The following ATG13 variants were observed in gnomAD, a reference collection of about 807,000 sequenced individuals.
ATG13 encodes autophagy related 13.
ATG13 carries 23 observed loss-of-function variants against 65.5 expected under a neutral mutation model. That is an observed-to-expected ratio of 0.35 (90% CI 0.25 to 0.50). The LOEUF is 0.50. ATG13 is among the 20% of genes least tolerant of loss of function. The pLI, the probability that ATG13 is intolerant of heterozygous loss-of-function variation, is 0.98. For synonymous variants in ATG13, 252 were observed against 245.2 expected (o/e 1.03, Z -0.26); for missense variants, 566 against 677.0 (o/e 0.84, Z 1.82).
chr11:46,657,966 G>A (rs1363850431), intron 10 of ATG13, among the ~76,000 whole-genome samples: 1 of 152,128 alleles, frequency 6.6e-6, no homozygotes, highest in African/African-American at 2.4e-5. Flanking sequence ...CTACTCAGGA[G>A]GCTGAGGCAG....
intron 18 of ATG13, among the ~76,000 whole-genome samples, chr11:46,669,746 C>G (rs753223806): frequency 6.6e-6 from 1 of 152,192 alleles, no homozygotes; most frequent in Non-Finnish European, 1.5e-5. Flanking sequence ...TCTGCACATT[C>G]TCAGCATTAC....
Position 46,672,570 on chromosome 11 carries a change from C to G in ATG13, c.*238C>G. The G allele has an allele frequency of 7.0e-7, 1 of 1,428,698 alleles. No individual in the cohort carries two copies. The highest frequency in any genetic ancestry group is 1.4e-5 in the African/African-American group (1 of 70,476). 88.5% of individuals were successfully genotyped at this position (1,428,698 alleles called of 1,614,324 possible). ...GTGCTGGCCTTGGAGATGGGAAGAA[C>G]CTTCGTACGAAAAAGCCCTCAGCAG... On this transcript the variant is annotated 3_prime_UTR_variant, in exon 19 of 19. Transcript: ENST00000683050.
chr11:46,665,010 C>T, intron 13 of ATG13, 51 bp downstream of exon 13: 1 of 1,514,060 alleles, frequency 6.6e-7, no homozygotes, highest in Non-Finnish European at 9.1e-7. Flanking sequence ...GCCTCCCCTG[C>T]CCGGAGGCAA....
chr11:46,661,646 A>T (rs893736261), intron 11 of ATG13, among the ~76,000 whole-genome samples: 3 of 151,824 alleles, frequency 2.0e-5, no homozygotes, highest in African/African-American at 7.3e-5. Flanking sequence ...AGCCTGGGCA[A>T]CATGGTGAAA....
At chr11:46,647,482 T>C (rs1405651242) in intron 5 of ATG13, among the ~76,000 whole-genome samples, 1 of 151,994 alleles carries the variant, frequency 6.6e-6, no homozygotes, top group African/African-American at 2.4e-5. Context: ...TTCACCATGT[T>C]GGCCAGGCTG....
At chr11:46,654,752 A>G (rs1488093855) in intron 7 of ATG13, among the ~76,000 whole-genome samples, 1 of 151,844 alleles carries the variant, frequency 6.6e-6, no homozygotes, top group African/African-American at 2.4e-5. Context: ...GGAGTTTGCA[A>G]CCAGCCTGGG....
At chr11:46,638,428 ACTCTGT>A (rs1378355305) in intron 2 of ATG13, 3 of 152,224 alleles carry the variant, frequency 2.0e-5, no homozygotes, top group South Asian at 4.2e-4. Flanking sequence ...ACAGAGTGAG[ACTCTGT>A]CTCAAAAAAC....
At chr11:46,668,004 A>T in intron 15 of ATG13, 117 bp downstream of exon 15, 2 of 771,132 alleles carry the variant, frequency 2.6e-6, no homozygotes, top group Non-Finnish European at 4.2e-6. Flanking sequence ...CTGGCATGCA[A>T]AACTGTATGT....
In ATG13 at chr11:46,664,859, C is replaced by T; in HGVS notation, c.899C>T (p.Ser300Phe). The change falls in exon 13 of 19, where the codon TCT becomes TTT. Residue 300 changes from serine to phenylalanine, a missense_variant. Around this residue, in one of 2 missense-constraint regions of ATG13, gnomAD observed 387 missense variants for 409.8 expected, o/e 0.94. Coordinates refer to ENST00000683050, the MANE Select transcript of ATG13 (RefSeq NM_001346311.2). The part of the protein sequence containing the change: ...GLAFSHQLSS[S>F]RLSYQPAALG... ...TTTTCTCTTGCTTAGCTCTCAAGCT[C>T]TCGCCTTTCCTATCAGCCTGCTGCC... The T allele has an allele frequency of 6.2e-7, 1 of 1,613,846 alleles. No individual in the cohort carries two copies. The highest frequency in any genetic ancestry group is 8.5e-7 in the Non-Finnish European group (1 of 1,179,750).
intron 7 of ATG13, among the ~76,000 whole-genome samples, chr11:46,653,731 G>A (rs551536617): frequency 2.0e-5 from 3 of 151,776 alleles, no homozygotes; most frequent in South Asian, 2.1e-4. Flanking sequence ...CACCACGCCC[G>A]GCTAATTTTT....
rs372225316 is a variant in ATG13 at position 46,664,862 on chromosome 11, G to A, written c.902G>A (p.Arg301His). ...LAFSHQLSSS[R>H]LSYQPAALGV... ...TCTCTTGCTTAGCTCTCAAGCTCTC[G>A]CCTTTCCTATCAGCCTGCTGCCCTG... is the stretch of plus-strand genomic sequence containing the variant. Residue 301 changes from arginine to histidine, a missense_variant, in exon 13 of 19, where the codon CGC becomes CAC. Around this residue, in one of 2 missense-constraint regions of ATG13, gnomAD observed 387 missense variants for 409.8 expected, o/e 0.94. Transcript: ENST00000683050. 5.5e-5 allele frequency: 89 copies of A among 1,613,654 alleles called. No individual in the cohort carries two copies. Among genetic ancestry groups the A allele is most frequent in the African/African-American group, 5.2e-4 (39 of 74,966 alleles).
At chr11:46,637,093 G>C (rs2054242550) in intron 2 of ATG13, among the ~76,000 whole-genome samples, 1 of 152,192 alleles carries the variant, frequency 6.6e-6, no homozygotes. Flanking sequence ...GGGGTATTAA[G>C]GAGTGGCTAA....
chr11:46,667,877 C>T lies in ATG13; in HGVS notation c.1241C>T (p.Pro414Leu). The stretch of plus-strand genomic sequence containing the variant: ...AAAGTGGGGGCTTTTGTCAACAAAC[C>T]CATTAACCAGGTGATTTTTCTGCCA... ...VRKVGAFVNK[P>L]INQVTLTSLD... is the part of the protein sequence containing the mutation. Residue 414 changes from proline (P) to leucine (L), a missense_variant, in exon 15 of 19, where the codon CCC becomes CTC. This residue lies in a region of ATG13 where 387 missense variants were observed against 409.8 expected (regional missense o/e 0.94). Transcript: ENST00000683050. 2 of 1,609,606 alleles carry T rather than the reference C, an allele frequency of 1.2e-6. No individual in the cohort carries two copies. Among genetic ancestry groups the T allele is most frequent in the Non-Finnish European group, 1.7e-6 (2 of 1,176,194 alleles).
chr11:46,656,305 G>A, intron 8 of ATG13, 32 bp downstream of exon 8: 2 of 1,588,196 alleles, frequency 1.3e-6, no homozygotes, highest in Non-Finnish European at 1.7e-6. Flanking sequence ...ACATCGTAGT[G>A]TTCAGAGCTC....
chr11:46,621,002 A>G (rs549467200), intron 1 of ATG13: 1 of 152,108 alleles, frequency 6.6e-6, no homozygotes, highest in Non-Finnish European at 1.5e-5. Context: ...AATAGTTAAG[A>G]ATCATTTTAC....
chr11:46,625,824 C>T (rs1343731316), intron 1 of ATG13, among the ~76,000 whole-genome samples: 2 of 151,956 alleles, frequency 1.3e-5, no homozygotes, highest in Non-Finnish European at 1.5e-5. Context: ...GGATTTTAGG[C>T]GCATAAAGGA....
At chr11:46,657,329 GC>G in intron 9 of ATG13, 138 bp downstream of exon 9, 1 of 956,758 alleles carries the variant, frequency 1.0e-6, no homozygotes, top group Non-Finnish European at 1.6e-6. Context: ...GAGTGCAGTT[GC>G]CAGATTGGAG....
chr11:46,659,018 C>T (rs1190962813), intron 10 of ATG13, among the ~76,000 whole-genome samples: 3 of 151,962 alleles, frequency 2.0e-5, no homozygotes, highest in Non-Finnish European at 2.9e-5. Flanking sequence ...AGGGAGACCC[C>T]TGTCTCTACA....
At chr11:46,659,369 T>C (rs2060680371) in intron 10 of ATG13, 23 bp from the exon 11 acceptor site, 1 of 1,579,056 alleles carries the variant, frequency 6.3e-7, no homozygotes, top group African/African-American at 1.4e-5. Context: ...ATAAAATTCA[T>C]TATTTCTTTC....
Sources: allele counts gnomAD v4.1 joint callset (sites outside exome capture counted in the v4.1 genomes callset), GRCh38; gene constraint gnomAD v4.1.1; regional missense constraint gnomAD v4.1.1; transcripts MANE v1.5; gene names NCBI Gene and HGNC (gene_info 2026-07-23, HGNC 2026-07-21).